TGFB2: variants seen among roughly 807,000 people sequenced by gnomAD.
TGFB2 encodes the protein transforming growth factor beta-2 proprotein.
In TGFB2, 13 loss-of-function variants were observed where a neutral mutation model predicts 42.7. That is an observed-to-expected ratio of 0.30 (90% CI 0.20 to 0.48). The LOEUF is 0.48. Among genes scored for constraint, TGFB2 ranks in the 20% least tolerant of loss-of-function variants. TGFB2 has a pLI of 0.99. For synonymous variants in TGFB2, 193 were observed against 193.6 expected, an observed-to-expected ratio of 1.00 and a Z score of 0.03; for missense variants, 390 against 517.5, an observed-to-expected ratio of 0.75 and a Z score of 2.39.
chr1:218,365,648 A>C (rs1319610926), intron 1 of TGFB2, among the ~76,000 whole-genome samples: 1 of 150,098 alleles, frequency 6.7e-6, no homozygotes, highest in Non-Finnish European at 1.5e-5. Flanking sequence ...AAGGCTGCTG[A>C]GCAGTGGGGC....
intron 1 of TGFB2, among the ~76,000 whole-genome samples, chr1:218,389,607 C>G (rs1658257107): frequency 1.3e-5 from 2 of 152,202 alleles, no homozygotes; most frequent in Non-Finnish European, 2.9e-5. Context: ...CAAAACCCCT[C>G]TGGCCAATGA....
chr1:218,395,169 A>G (rs1250427787), intron 1 of TGFB2, among the ~76,000 whole-genome samples: 2 of 152,196 alleles, frequency 1.3e-5, no homozygotes, highest in South Asian at 2.1e-4. Flanking sequence ...ACCACTGAGA[A>G]CAGCAGCACT....
intron 1 of TGFB2, among the ~76,000 whole-genome samples, chr1:218,362,663 G>T (rs1030984573): frequency 2.6e-5 from 4 of 152,186 alleles, no homozygotes; most frequent in African/African-American, 7.2e-5. Flanking sequence ...GGGGGAGGGG[G>T]TGTGCTTTCT....
chr1:218,434,267 C>A (rs1375664478), intron 3 of TGFB2, 53 bp downstream of exon 3: 1 of 1,611,640 alleles, frequency 6.2e-7, no homozygotes, highest in African/African-American at 1.3e-5. Flanking sequence ...CCCTAAGTTA[C>A]TTTAAATTGA....
chr1:218,407,786 A>AC (rs1658962560), intron 2 of TGFB2, among the ~76,000 whole-genome samples: 1 of 152,090 alleles, frequency 6.6e-6, no homozygotes, highest in South Asian at 2.1e-4. Flanking sequence ...CCTGCCCCTC[A>AC]CCACATACTA....
intron 5 of TGFB2, among the ~76,000 whole-genome samples, chr1:218,436,468 G>A (rs1659975516): frequency 6.6e-6 from 1 of 152,148 alleles, no homozygotes. Context: ...GGTGTGTGAT[G>A]TCAACTCCTT....
At chr1:218,371,877 C>T (rs551039089) in intron 1 of TGFB2, among the ~76,000 whole-genome samples, 1 of 152,320 alleles carries the variant, frequency 6.6e-6, no homozygotes, top group South Asian at 2.1e-4. Flanking sequence ...CCATCTATAA[C>T]TTGAACCTTA....
chr1:218,433,355 C>T (rs879813271), intron 2 of TGFB2, among the ~76,000 whole-genome samples: 1 of 152,202 alleles, frequency 6.6e-6, no homozygotes, highest in Admixed American at 6.5e-5. Context: ...TGAGCCACCA[C>T]GCCCAGCCTG....
intron 1 of TGFB2, among the ~76,000 whole-genome samples, chr1:218,373,499 A>G (rs1657639602): frequency 6.6e-6 from 1 of 151,448 alleles, no homozygotes; most frequent in Non-Finnish European, 1.5e-5. Context: ...TCATATTGTT[A>G]ATAATACTAA....
intron 1 of TGFB2, among the ~76,000 whole-genome samples, chr1:218,358,040 CT>C (rs1456784958): frequency 1.3e-5 from 2 of 152,210 alleles, no homozygotes; most frequent in African/African-American, 4.8e-5. Flanking sequence ...CCACATCTGT[CT>C]TGACAAGCTA....
Position 218,443,540 on chromosome 1 carries a change from G to C in TGFB2, c.*2178G>C, listed in dbSNP as rs1660223170. The C allele has an allele frequency of 6.6e-6, 1 of 152,076 alleles. No homozygotes were observed. Among genetic ancestry groups the C allele is most frequent in the African/African-American group, 2.4e-5 (1 of 41,420 alleles). The allele number at this position is 152,076 out of a possible 1,614,324, so 9.4% of individuals were successfully genotyped here. A position where few individuals can be genotyped will look rare whatever the true frequency, so the allele number is the denominator to read the frequency against. Reference sequence around the variant, plus strand: ...GTAACCCAATCCCAGATTTGAGTGTGTGTTGATTATTTTTTTGTCTTCCAC... The same window carrying C: ...GTAACCCAATCCCAGATTTGAGTGTCTGTTGATTATTTTTTTGTCTTCCAC... On this transcript the variant is annotated 3_prime_UTR_variant, in exon 7 of 7. Transcript: ENST00000366930.
At position 218,442,941 on chromosome 1, in the gene TGFB2, A is replaced by T. The variant is rs1269361468; in HGVS notation, c.*1579A>T. ...AAATCCTATTGTTATTACAAAGAGG[A>T]CACTTCATAGGAAACATCTTTTTCT... is the stretch of plus-strand genomic sequence containing the variant. On this transcript the variant is annotated 3_prime_UTR_variant, in exon 7 of 7. Coordinates refer to ENST00000366930, the MANE Select transcript of TGFB2 (RefSeq NM_003238.6). The T allele has an allele frequency of 6.6e-6, 1 of 152,198 alleles. No homozygotes were observed. Among genetic ancestry groups the T allele is most frequent in the East Asian group, 1.9e-4 (1 of 5,204 alleles). 9.4% of individuals were successfully genotyped at this position (152,198 alleles called of 1,614,324 possible).
chr1:218,421,871 A>T (rs148566828), intron 2 of TGFB2, among the ~76,000 whole-genome samples: 1 of 152,292 alleles, frequency 6.6e-6, no homozygotes, highest in East Asian at 1.9e-4. Flanking sequence ...AATTGAAGCT[A>T]TGCAACTATA....
chr1:218,376,920 G>T (rs1015560458), intron 1 of TGFB2, among the ~76,000 whole-genome samples: 2 of 152,186 alleles, frequency 1.3e-5, no homozygotes, highest in Non-Finnish European at 2.9e-5. Flanking sequence ...TTGAGACACG[G>T]TCTTGCTCTG....
chr1:218,357,234 A>G (rs1657068103), intron 1 of TGFB2, among the ~76,000 whole-genome samples: 2 of 151,648 alleles, frequency 1.3e-5, no homozygotes, highest in Admixed American at 6.6e-5. Context: ...AAAAAAAAAA[A>G]GAAATCTCAA....
chr1:218,388,559 T>A (rs1300953032), intron 1 of TGFB2, among the ~76,000 whole-genome samples: 1 of 152,200 alleles, frequency 6.6e-6, no homozygotes, highest in Non-Finnish European at 1.5e-5. Flanking sequence ...GACCTGGTCC[T>A]TTCCTTGCTT....
Position 218,398,525 on chromosome 1 carries a change from G to GT in TGFB2, c.347-6637dup, listed in dbSNP as rs1419530501. ...CATTGTAAGACCTTTATTCAGTTTT[G>GT]TTTTTTTATTAACCTTTAACTTTAT... On this transcript the variant is annotated intron_variant, in intron 1 of 6. Coordinates refer to ENST00000366930, the MANE Select transcript of TGFB2 (RefSeq NM_003238.6). 6.6e-5 allele frequency among the ~76,000 whole-genome samples: 10 copies of GT among 150,816 alleles called. No homozygotes were observed. The South Asian group carries it at 1.3e-3, about 19-fold the overall frequency.
At chr1:218,365,392 C>T (rs995834039) in intron 1 of TGFB2, among the ~76,000 whole-genome samples, 3 of 152,210 alleles carry the variant, frequency 2.0e-5, no homozygotes, top group Admixed American at 6.5e-5. Flanking sequence ...TTCTCAGACA[C>T]TCCTCACTTG....
chr1:218,354,657 G>C (rs1656975195), intron 1 of TGFB2, among the ~76,000 whole-genome samples: 1 of 152,154 alleles, frequency 6.6e-6, no homozygotes, highest in South Asian at 2.1e-4. Flanking sequence ...CAGGTAATAG[G>C]AGCCCTAATA....
Sources: gnomAD v4.1 joint callset for allele counts (sites outside exome capture counted in the v4.1 genomes callset) on GRCh38, gnomAD v4.1.1 for gene constraint, MANE v1.5 for transcripts, NCBI Gene and HGNC (gene_info 2026-07-23, HGNC 2026-07-21) for gene names.